STAB2: variants seen among roughly 807,000 people sequenced by gnomAD.
The protein encoded by STAB2 is stabilin 2, also known as stabilin-2.
In STAB2, 288 loss-of-function variants were observed where a neutral mutation model predicts 338.1. The ratio of observed to expected loss-of-function variants is 0.85; its 90% CI spans 0.77 to 0.94. The LOEUF (loss-of-function observed/expected upper bound fraction) is 0.94, where lower values mean the gene tolerates loss of function less well. Ranked by LOEUF, STAB2 falls within the 40% of genes least tolerant of loss-of-function variation. The pLI is 0.00. For missense variants in STAB2, 3,141 were observed against 3,210.1 expected, an observed-to-expected ratio of 0.98 and a Z score of 0.52; for synonymous variants, 1,202 against 1,193.3, an observed-to-expected ratio of 1.01 and a Z score of -0.15.
At chr12:103,625,375 T>TA (rs774509692) in intron 5 of STAB2, among the ~76,000 whole-genome samples, 1 of 152,102 alleles carries the variant, frequency 6.6e-6, no homozygotes, top group Non-Finnish European at 1.5e-5. Context: ...ATTTTTTTTT[T>TA]ATACTTTAAG....
At chr12:103,692,717 C>A in intron 30 of STAB2, 95 bp from the exon 31 acceptor site, 1 of 978,400 alleles carries the variant, frequency 1.0e-6, no homozygotes, top group Non-Finnish European at 1.6e-6. Context: ...GTATGAAGGT[C>A]ACTGCTGCTC....
intron 43 of STAB2, 56 bp from the exon 44 acceptor site, chr12:103,717,714 C>T (rs1400401217): frequency 7.3e-6 from 11 of 1,508,902 alleles, no homozygotes; most frequent in African/African-American, 2.7e-5. Context: ...CCAGACCATG[C>T]GGCCAGTACA....
Position 103,668,678 on chromosome 12 carries a change from G to A in STAB2, c.2121G>A (p.Arg707=), listed in dbSNP as rs1365929459. 4 of 1,551,258 alleles carry A rather than the reference G, an allele frequency of 2.6e-6. No homozygotes were observed. The highest frequency in any genetic ancestry group is 3.5e-6 in the Non-Finnish European group (4 of 1,146,942). Residue 707 remains arginine (R), a synonymous_variant, in exon 20 of 69, where the codon AGG becomes AGA. Transcript: ENST00000388887. ...CACACAGATGTGTCTACAGTGGCAG[G>A]TTTGGGAGCCTGAAGAGCGGCTGTG... is the stretch of plus-strand genomic sequence containing the variant. ...LFTHRCVYSG[R]FGSLKSGCAR...
At chr12:103,705,843 G>C in intron 37 of STAB2, 116 bp downstream of exon 37, 1 of 910,484 alleles carries the variant, frequency 1.1e-6, no homozygotes. Context: ...CCTCTTCCTT[G>C]TTACCTGCAT....
intron 39 of STAB2, among the ~76,000 whole-genome samples, chr12:103,710,632 G>A (rs1435097555): frequency 6.6e-6 from 1 of 152,190 alleles, no homozygotes; most frequent in African/African-American, 2.4e-5. Context: ...ATGCCAATAG[G>A]TAGAGAATAG....
chr12:103,624,117 A>G (rs541870843), intron 5 of STAB2, among the ~76,000 whole-genome samples: 1 of 152,212 alleles, frequency 6.6e-6, no homozygotes, highest in African/African-American at 2.4e-5. Context: ...CACACAACAC[A>G]TCCCACCCCC....
chr12:103,661,061 T>C (rs767712500), intron 17 of STAB2, among the ~76,000 whole-genome samples: 2 of 152,040 alleles, frequency 1.3e-5, no homozygotes, highest in Non-Finnish European at 2.9e-5. Flanking sequence ...TGGTAATGAG[T>C]GTCCCCAAGA....
chr12:103,683,259 A>G lies in STAB2; in HGVS notation c.2860A>G (p.Ile954Val), dbSNP rs141362742. The G allele has an allele frequency of 3.1e-6, 5 of 1,613,290 alleles. No individual in the cohort carries two copies. In the Middle Eastern group the frequency reaches 6.6e-4, roughly 212 times the overall value. The stretch of plus-strand genomic sequence containing the variant: ...AGGAAATGGGATTGACTGTGAACCA[A>G]TAACTTCATGCTTGGAACAAACCGG... ...FRGNGIDCEPITSCLEQTGKC... is the reference protein window; with the variant it reads ...FRGNGIDCEPVTSCLEQTGKC... Residue 954 changes from isoleucine (I) to valine (V), a missense_variant, in exon 26 of 69, where the codon ATA (isoleucine) becomes GTA (valine). Ile to Val is a conservative substitution (Grantham distance 29). Transcript: ENST00000388887.
intron 57 of STAB2, among the ~76,000 whole-genome samples, chr12:103,745,555 A>G (rs1882963091): frequency 6.6e-6 from 1 of 152,208 alleles, no homozygotes; most frequent in South Asian, 2.1e-4. Context: ...GGTTCAAGCA[A>G]GGACTGTGCC....
At chr12:103,714,149 C>T (rs1880110785) in intron 42 of STAB2, among the ~76,000 whole-genome samples, 1 of 152,130 alleles carries the variant, frequency 6.6e-6, no homozygotes, top group South Asian at 2.1e-4. Flanking sequence ...GCTATGCCTA[C>T]ATGTATTTTT....
Position 103,706,907 on chromosome 12 carries a change from T to C in STAB2, c.4112T>C (p.Val1371Ala). The C allele has an allele frequency of 6.2e-7, 1 of 1,614,174 alleles. No homozygotes were observed. Reference sequence around the variant, plus strand: ...TTGGATGGAGTGAATGGCACAGGTGTGTGTGAGTGTGGGGAGGGCTTCAGC... The same window carrying C: ...TTGGATGGAGTGAATGGCACAGGTGCGTGTGAGTGTGGGGAGGGCTTCAGC... ...ICLDGVNGTG[V>A]CECGEGFSGT... The change falls in exon 38 of 69, where the codon GTG (valine) becomes GCG (alanine). Residue 1371 changes from valine to alanine, a missense_variant. Physicochemically the swap from Val to Ala is moderately conservative, Grantham distance 64 (BLOSUM62 0). Coordinates refer to ENST00000388887, the MANE Select transcript of STAB2 (RefSeq NM_017564.10).
Position 103,648,715 on chromosome 12 carries a change from G to A in STAB2, c.1066G>A (p.Gly356Ser). 1.9e-6 allele frequency: 3 copies of A among 1,614,080 alleles called. No individual in the cohort carries two copies. Among genetic ancestry groups the A allele is most frequent in the Non-Finnish European group, 2.5e-6 (3 of 1,179,982 alleles). The change falls in exon 10 of 69, where the codon GGT (glycine) becomes AGT (serine). Residue 356 changes from glycine (G) to serine (S), a missense_variant. By Grantham distance (56) the Gly-to-Ser change is moderately conservative. Coordinates refer to ENST00000388887, the MANE Select transcript of STAB2 (RefSeq NM_017564.10). ...ATGCATTTGCCAGAAAGGTTACGTG[G>A]GTGATGGCTTAACGTGTTATGGAAA... ...TECICQKGYV[G>S]DGLTCYGNIM...
rs191326472 is a variant in STAB2 at position 103,589,287 on chromosome 12, C to T, written c.82-1610C>T. Among the ~76,000 whole-genome samples the T allele has an allele frequency of 1.1e-4, 16 of 152,256 alleles. No homozygotes were observed. The South Asian group carries it at 2.1e-3, about 20-fold the overall frequency. On this transcript the variant is annotated intron_variant, in intron 1 of 68. Transcript: ENST00000388887. ...CCCGTGGATGAGCTGTGGGATAATA[C>T]AGAAGCATGAGACACAATCCTGCCC...
chr12:103,666,247 C>G (rs1262430536), intron 18 of STAB2, 44 bp from the exon 19 acceptor site: 1 of 1,597,816 alleles, frequency 6.3e-7, no homozygotes, highest in Non-Finnish European at 8.6e-7. Flanking sequence ...CCACTGCTCC[C>G]TCTCATAGGG....
In STAB2 at chr12:103,639,293, T is replaced by C. The variant is rs1392930203; in HGVS notation, c.907-830T>C. Among the ~76,000 whole-genome samples the C allele has an allele frequency of 2.0e-5, 3 of 152,196 alleles. No homozygotes were observed. The East Asian group carries it at 5.8e-4, about 29-fold the overall frequency. On this transcript the variant is annotated intron_variant, in intron 8 of 68. Coordinates refer to ENST00000388887, the MANE Select transcript of STAB2 (RefSeq NM_017564.10). ...AAGCAGGGTTTCTCTACCTCAGCAT[T>C]TTTCACATTTTGGGCTGGATAATTC...
In STAB2 at chr12:103,668,752, C is replaced by T. The variant is rs1875417516; in HGVS notation, c.2172+23C>T. On this transcript the variant is annotated intron_variant, in intron 20 of 68. Transcript: ENST00000388887. The stretch of plus-strand genomic sequence containing the variant: ...AAGGTGAGGAGCGCGTGGCCGAGGC[C>T]CAGTCTAGGCCAGTAGGGCCAGGCA... 5 of 1,514,798 alleles carry T rather than the reference C, an allele frequency of 3.3e-6. No homozygotes were observed. The African/African-American group carries it at 4.1e-5, about 13-fold the overall frequency. 93.8% of individuals were successfully genotyped at this position (1,514,798 alleles called of 1,614,324 possible). A position where few individuals can be genotyped will look rare whatever the true frequency, so the allele number is the denominator to read the frequency against.
intron 58 of STAB2, among the ~76,000 whole-genome samples, chr12:103,747,043 G>A (rs1014078581): frequency 3.5e-5 from 5 of 141,714 alleles, no homozygotes; most frequent in Non-Finnish European, 7.5e-5. Context: ...TGCAACCTCC[G>A]CTTCCCAGGT....
At chr12:103,684,671 A>G (rs1877232518) in intron 26 of STAB2, among the ~76,000 whole-genome samples, 1 of 152,254 alleles carries the variant, frequency 6.6e-6, no homozygotes. Flanking sequence ...CAGCACAAGT[A>G]TGCCCCAAAT....
chr12:103,761,373 T>C lies in STAB2; in HGVS notation c.7322T>C (p.Val2441Ala), dbSNP rs1021300221. 1 of 1,613,922 alleles carries C rather than the reference T, an allele frequency of 6.2e-7. No individual in the cohort carries two copies. The highest frequency in any genetic ancestry group is 1.7e-5 in the Admixed American group (1 of 60,002). ...DIFASNGIIH[V>A]ISRPLKAPPA... ...TTTGCCTCCAATGGGATCATTCATG[T>C]CATTTCCAGGCCTTTAAAAGCACCC... Residue 2441 changes from valine to alanine, a missense_variant, in exon 66 of 69, where the codon GTC becomes GCC. Transcript: ENST00000388887.
Sources: allele counts gnomAD v4.1 joint callset (sites outside exome capture counted in the v4.1 genomes callset), GRCh38; gene constraint gnomAD v4.1.1; transcripts MANE v1.5; gene names NCBI Gene and HGNC (gene_info 2026-07-23, HGNC 2026-07-21).